Variants in CCSER1 observed in about 807,000 individuals in gnomAD.
The protein encoded by CCSER1 is serine-rich coiled-coil domain-containing protein 1.
Under a neutral mutation model 82.0 loss-of-function variants are expected in CCSER1, and 41 were observed. That is an observed-to-expected ratio of 0.50 (90% CI 0.39 to 0.65). CCSER1 has a LOEUF of 0.65. Ranked by LOEUF, CCSER1 falls within the 30% of genes least tolerant of loss-of-function variation. CCSER1 has a pLI of 0.00. For synonymous variants in CCSER1, 414 were observed against 383.9 expected (o/e 1.08, Z -0.92); for missense variants, 1,119 against 1,064.2 (o/e 1.05, Z -0.72).
At chr4:90,309,682 A>G (rs1734960894) in intron 2 of CCSER1, 74 bp downstream of exon 2, 5 of 1,161,944 alleles carry the variant, frequency 4.3e-6, no homozygotes, top group Non-Finnish European at 4.7e-6. Flanking sequence ...TTCTTATTCC[A>G]TCTCATGAAT....
intron 10 of CCSER1, among the ~76,000 whole-genome samples, chr4:91,466,848 TAA>T (rs971645577): frequency 6.6e-6 from 1 of 151,878 alleles, no homozygotes; most frequent in African/African-American, 2.4e-5. Flanking sequence ...CTCAAGGAAA[TAA>T]AAGAGGACAC....
In CCSER1 at chr4:91,434,197, GTT is replaced by G. The variant is rs111695937; in HGVS notation, c.2218-164366_2218-164365del. 6.3e-4 allele frequency among the ~76,000 whole-genome samples: 94 copies of G among 148,578 alleles called. 2 individuals are homozygous for G. Among genetic ancestry groups the G allele is most frequent in the South Asian group, 4.1e-3 (19 of 4,646 alleles). On this transcript the variant is annotated intron_variant, in intron 10 of 10. Coordinates refer to ENST00000509176, the MANE Select transcript of CCSER1 (RefSeq NM_001145065.2). ...TTTAACTGCTACAGACTTTTTGTTT[GTT>G]TTTTTTTTGTTTATTTGTGGAATCG...
chr4:90,931,894 A>C (rs557486386), intron 9 of CCSER1, among the ~76,000 whole-genome samples: 1 of 152,334 alleles, frequency 6.6e-6, no homozygotes, highest in Non-Finnish European at 1.5e-5. Context: ...TGAGAGGAAA[A>C]AAGTCATTGA....
intron 4 of CCSER1, among the ~76,000 whole-genome samples, chr4:90,460,123 G>A (rs933179328): frequency 1.4e-5 from 2 of 145,730 alleles, no homozygotes; most frequent in Non-Finnish European, 2.9e-5. Context: ...TCAGGAGATC[G>A]AGACCATCCT....
intron 5 of CCSER1, among the ~76,000 whole-genome samples, chr4:90,490,980 G>T (rs1489315510): frequency 6.6e-6 from 1 of 152,024 alleles, no homozygotes; most frequent in African/African-American, 2.4e-5. Context: ...TGTTCTTTTG[G>T]CTTAGGATTG....
intron 10 of CCSER1, among the ~76,000 whole-genome samples, chr4:91,247,025 G>A (rs542084091): frequency 8.5e-5 from 13 of 152,246 alleles, no homozygotes; most frequent in African/African-American, 1.9e-4. Flanking sequence ...GAATTGGCCC[G>A]GTGCAGTGGC....
At chr4:91,248,552 C>T (rs1739996832) in intron 10 of CCSER1, among the ~76,000 whole-genome samples, 1 of 152,076 alleles carries the variant, frequency 6.6e-6, no homozygotes, top group Non-Finnish European at 1.5e-5. Context: ...ATATAAATCC[C>T]AAGTAAGCTA....
chr4:90,725,553 A>G (rs928808615), intron 7 of CCSER1, among the ~76,000 whole-genome samples: 1 of 151,484 alleles, frequency 6.6e-6, no homozygotes, highest in African/African-American at 2.4e-5. Context: ...AAAATATTTA[A>G]TCACCTATAA....
intron 3 of CCSER1, among the ~76,000 whole-genome samples, chr4:90,347,353 A>ATCTATCTATCTATC (rs1159794575): frequency 9.6e-6 from 1 of 103,878 alleles, no homozygotes; most frequent in Non-Finnish European, 2.1e-5. Flanking sequence ...ATCTATCTAT[A>ATCTATCTATCTATC]TACTTTATTG....
At chr4:90,521,550 T>G (rs1773135499) in intron 5 of CCSER1, among the ~76,000 whole-genome samples, 1 of 152,152 alleles carries the variant, frequency 6.6e-6, no homozygotes, top group Non-Finnish European at 1.5e-5. Flanking sequence ...GAGCGCAATG[T>G]ATGAATGGCT....
At chr4:90,817,597 G>T (rs1759182804) in intron 8 of CCSER1, among the ~76,000 whole-genome samples, 1 of 151,884 alleles carries the variant, frequency 6.6e-6, no homozygotes, top group Non-Finnish European at 1.5e-5. Flanking sequence ...TTGTGCTATT[G>T]TAGTTTCCAT....
intron 10 of CCSER1, among the ~76,000 whole-genome samples, chr4:91,401,211 C>A (rs762702367): frequency 8.6e-4 from 129 of 150,416 alleles, no homozygotes; most frequent in African/African-American, 3.1e-3. Flanking sequence ...TATAAAATAT[C>A]TAATGCAGTT....
chr4:90,468,274 C>T lies in CCSER1; in HGVS notation c.1644C>T (p.Ala548=), dbSNP rs182106294. 172 of 1,607,882 alleles carry T rather than the reference C, an allele frequency of 1.1e-4. No homozygotes were observed. In the East Asian group the frequency reaches 2.7e-3, roughly 26 times the overall value. Reference sequence around the variant, plus strand: ...CATATCACTCTGTCGTCTCATGTGCCGCAGTAGTTCTTACTCCTATGGAAC... The same window carrying T: ...CATATCACTCTGTCGTCTCATGTGCTGCAGTAGTTCTTACTCCTATGGAAC... ...EDSYHSVVSC[A]AVVLTPMEPM... The change falls in exon 5 of 11, where the codon GCC becomes GCT. Residue 548 remains alanine, a synonymous_variant. Transcript: ENST00000509176.
At chr4:90,593,860 T>C (rs1400658081) in intron 5 of CCSER1, among the ~76,000 whole-genome samples, 3 of 152,032 alleles carry the variant, frequency 2.0e-5, no homozygotes, top group Non-Finnish European at 2.9e-5. Context: ...CTAAGAGCTC[T>C]GTGAGTGAAG....
intron 5 of CCSER1, among the ~76,000 whole-genome samples, chr4:90,565,403 C>A (rs1015864221): frequency 1.6e-4 from 24 of 152,012 alleles, no homozygotes; most frequent in Admixed American, 7.2e-4. Context: ...ATAGTTCTAA[C>A]CATATTGAGT....
At chr4:91,438,766 C>G (rs2149402282) in intron 10 of CCSER1, among the ~76,000 whole-genome samples, 1 of 152,076 alleles carries the variant, frequency 6.6e-6, no homozygotes, top group South Asian at 2.1e-4. Context: ...CTAGAATAAC[C>G]AATACAGAGA....
intron 10 of CCSER1, among the ~76,000 whole-genome samples, chr4:91,139,196 C>A (rs1728785004): frequency 6.6e-6 from 1 of 152,084 alleles, no homozygotes; most frequent in South Asian, 2.1e-4. Context: ...ATCCATGTTG[C>A]TGTAAGGTAC....
At chr4:90,388,878 T>C (rs7698908) in intron 3 of CCSER1, among the ~76,000 whole-genome samples, 67,308 of 150,836 alleles carry the variant, frequency 0.45, 16,958 homozygotes, top group African/African-American at 0.68. Flanking sequence ...TCAGGAGATC[T>C]GCCCGCCTTG....
rs547912496 is a variant in CCSER1, at chr4:91,046,689, T to TTTGTTG, written c.2173-39240_2173-39235dup. On this transcript the variant is annotated intron_variant, in intron 9 of 10. Coordinates refer to ENST00000509176, the MANE Select transcript of CCSER1 (RefSeq NM_001145065.2). The stretch of plus-strand genomic sequence containing the variant: ...ACAAGAGGGAGAGGATAATATGTTT[T>TTTGTTG]TTGTTGTTGTTGTTGTTGTTGTTGT... Among the ~76,000 whole-genome samples, 6 of 151,722 alleles carry TTTGTTG rather than the reference T, an allele frequency of 4.0e-5. No homozygotes were observed. The South Asian group carries it at 1.0e-3, about 26-fold the overall frequency.
Sources: gnomAD v4.1 joint callset for allele counts (sites outside exome capture counted in the v4.1 genomes callset) on GRCh38, gnomAD v4.1.1 for gene constraint, MANE v1.5 for transcripts, NCBI Gene and HGNC (gene_info 2026-07-23, HGNC 2026-07-21) for gene names.